Variants in PRRC2A observed in about 807,000 individuals in gnomAD.
PRRC2A encodes protein PRRC2A.
Under a neutral mutation model 224.6 loss-of-function variants are expected in PRRC2A, and 59 were observed. That is an observed-to-expected ratio of 0.26 (90% CI 0.21 to 0.33). The LOEUF is 0.33. Ranked by LOEUF, PRRC2A falls within the 10% of genes least tolerant of loss-of-function variation. The probability of loss-of-function intolerance (pLI) is 1.00; values close to 1 mark genes in which losing one functional copy is unlikely to be tolerated. For missense variants in PRRC2A, 3,095 were observed against 2,880.7 expected, an observed-to-expected ratio of 1.07 and a Z score of -1.70; for synonymous variants, 1,194 against 1,109.5, an observed-to-expected ratio of 1.08 and a Z score of -1.51.
At chr6:31,633,259 CA>C in intron 16 of PRRC2A, 119 bp from the exon 17 acceptor site, 1 of 1,440,682 alleles carries the variant, frequency 6.9e-7, no homozygotes, top group Non-Finnish European at 9.4e-7. Context: ...TAGAAGGACT[CA>C]AAAACACCTG....
At chr6:31,629,950 T>G (rs1583205148) in intron 14 of PRRC2A, 105 bp downstream of exon 14, 2 of 1,523,204 alleles carry the variant, frequency 1.3e-6, no homozygotes, top group East Asian at 4.5e-5. Context: ...TTGCCCATCA[T>G]AGTGATGAGG....
Position 31,636,883 on chromosome 6 carries a change from C to G in PRRC2A, c.6085C>G (p.Pro2029Ala), listed in dbSNP as rs755403247. ...PSLAVRPPPA[P>A]ATRVLPSPAR... is the part of the protein sequence containing the mutation. ...CCTGGCTGTGCGGCCCCCACCTGCT[C>G]CTGCTACTCGGGTGCTGCCTTCACC... Residue 2029 changes from proline to alanine, a missense_variant, in exon 28 of 31, where the codon CCT becomes GCT. Pro to Ala is a conservative substitution (Grantham distance 27). Coordinates refer to ENST00000376033, the MANE Select transcript of PRRC2A (RefSeq NM_004638.4). The surrounding 1 kb of genome is among the most constrained non-coding windows in gnomAD (Gnocchi z 4.3). 5 of 1,612,918 alleles carry G rather than the reference C, an allele frequency of 3.1e-6. No homozygotes were observed. The highest frequency in any genetic ancestry group is 3.4e-6 in the Non-Finnish European group (4 of 1,180,028).
chr6:31,630,815 A>G lies in PRRC2A; in HGVS notation c.2465+14A>G. On this transcript the variant is annotated intron_variant, in intron 15 of 30. Transcript: ENST00000376033. ...CAAGGGGATGAGGTGAGTCTTGGTC[A>G]TGAGAAATGGGTGAGTTCACAGTGA... The G allele has an allele frequency of 6.2e-7, 1 of 1,613,070 alleles. No homozygotes were observed. The highest frequency in any genetic ancestry group is 1.1e-5 in the South Asian group (1 of 90,898).
At chr6:31,634,679 T>G (rs982299990) in intron 20 of PRRC2A, 74 bp from the exon 21 acceptor site, 1 of 1,565,160 alleles carries the variant, frequency 6.4e-7, no homozygotes, top group East Asian at 2.2e-5. Context: ...TTCTGCAGTT[T>G]GTATGTGTGC....
Position 31,632,670 on chromosome 6 carries a change from G to A in PRRC2A, c.3997G>A (p.Glu1333Lys). 1 of 1,613,108 alleles carries A rather than the reference G, an allele frequency of 6.2e-7. No individual in the cohort carries two copies. ...ATCAGAGAGCAGTGACTTCACCAGT[G>A]AGCGCCGAGGGGACAAAGAGGCACC... ...TASESSDFTS[E>K]RRGDKEAPPP... The change falls in exon 16 of 31, where the codon GAG (glutamate) becomes AAG (lysine). Residue 1333 changes from glutamate (E) to lysine (K), a missense_variant. Transcript: ENST00000376033.
intron 20 of PRRC2A, 25 bp downstream of exon 20, chr6:31,634,582 C>T: frequency 6.2e-7 from 1 of 1,606,178 alleles, no homozygotes. Flanking sequence ...GAGGGTGTGT[C>T]TGAGCTGGGA....
rs2150504789 is a variant in PRRC2A at position 31,627,109 on chromosome 6, A to T, written c.1201A>T (p.Thr401Ser). The change falls in exon 11 of 31, where the codon ACA (threonine) becomes TCA (serine). Residue 401 changes from threonine to serine, a missense_variant. Physicochemically the swap from Thr to Ser is moderately conservative, Grantham distance 58. Around this residue, in one of 8 missense-constraint regions of PRRC2A, gnomAD observed 2,001 missense variants for 1,764.9 expected, o/e 1.13. Transcript: ENST00000376033. The surrounding 1 kb of genome is among the most constrained non-coding windows in gnomAD (Gnocchi z 5.6). The stretch of plus-strand genomic sequence containing the variant: ...GGCAGAAACCTCTCGGCCTCCAGAG[A>T]CAGAGCCGGGACCTCCTGCCCCAAA... ...AWAETSRPPE[T>S]EPGPPAPKPP... is the part of the protein sequence containing the mutation. The T allele has an allele frequency of 6.2e-7, 1 of 1,614,020 alleles. No homozygotes were observed. The highest frequency in any genetic ancestry group is 8.5e-7 in the Non-Finnish European group (1 of 1,179,986).
chr6:31,632,969 C>G lies in PRRC2A; in HGVS notation c.4296C>G (p.Ser1432Arg). Residue 1432 changes from serine (S) to arginine (R), a missense_variant, in exon 16 of 31, where the codon AGC becomes AGG. By Grantham distance (110) the Ser-to-Arg change is moderately radical. Transcript: ENST00000376033. Reference protein sequence around the residue: ...RTGPGRGDKRSWPSPKNRSRP... With the variant: ...RTGPGRGDKRRWPSPKNRSRP... ...GGCCAGGACGAGGCGACAAGAGGAGCTGGCCCTCTCCCAAGAACCGAAGGT... is the reference window on the plus strand; with the variant it reads ...GGCCAGGACGAGGCGACAAGAGGAGGTGGCCCTCTCCCAAGAACCGAAGGT... 6.3e-7 allele frequency: 1 copy of G among 1,589,698 alleles called. No individual in the cohort carries two copies. The highest frequency in any genetic ancestry group is 8.6e-7 in the Non-Finnish European group (1 of 1,166,958).
chr6:31,636,150 T>G lies in PRRC2A; in HGVS notation c.5625-59T>G. 2 of 1,570,716 alleles carry G rather than the reference T, an allele frequency of 1.3e-6. No homozygotes were observed. Among genetic ancestry groups the G allele is most frequent in the Non-Finnish European group, 1.8e-6 (2 of 1,140,870 alleles). On this transcript the variant is annotated intron_variant, in intron 25 of 30. Transcript: ENST00000376033. The surrounding 1 kb of genome is among the most constrained non-coding windows in gnomAD (Gnocchi z 4.3). The stretch of plus-strand genomic sequence containing the variant: ...CTAGGGTACTAGAAGCTAGTGGACT[T>G]AAGGCATTGCTAGGACTCTGGCTTC...
chr6:31,626,196 T>C (rs1481489662), intron 9 of PRRC2A, 34 bp downstream of exon 9: 16 of 1,598,164 alleles, frequency 1.0e-5, no homozygotes, highest in Non-Finnish European at 1.4e-5. Context: ...AATTTGGATC[T>C]TGAAAGGCAA....
intron 2 of PRRC2A, 70 bp from the exon 3 acceptor site, chr6:31,623,662 T>C: frequency 6.6e-7 from 1 of 1,513,894 alleles, no homozygotes; most frequent in Non-Finnish European, 9.1e-7. Flanking sequence ...TATAAATGTG[T>C]CCCAGGATAG....
At chr6:31,624,645 G>A (rs1049720238) in intron 5 of PRRC2A, 123 bp downstream of exon 5, 8 of 1,087,098 alleles carry the variant, frequency 7.4e-6, no homozygotes, top group Admixed American at 6.0e-5. Flanking sequence ...CCCATATTCA[G>A]TTTCATGGAG....
intron 12 of PRRC2A, chr6:31,628,510 C>T (rs1351307711): frequency 5.3e-6 from 3 of 561,750 alleles, no homozygotes; most frequent in Admixed American, 3.5e-5. Context: ...TGGAGGATCG[C>T]TTGAGCCTAG....
intron 4 of PRRC2A, 36 bp downstream of exon 4, chr6:31,624,396 G>A: frequency 6.2e-7 from 1 of 1,608,208 alleles, no homozygotes; most frequent in Non-Finnish European, 8.5e-7. Context: ...GAGGAAGAAT[G>A]GTTCATAGCT....
At chr6:31,635,293 G>T (rs1195543766) in intron 22 of PRRC2A, 21 bp downstream of exon 22, 3 of 1,613,824 alleles carry the variant, frequency 1.9e-6, no homozygotes, top group East Asian at 4.5e-5. Context: ...GCTGGATCTG[G>T]GTATCCTGAG....
rs575401082 is a variant in PRRC2A, at chr6:31,626,021, C to T, written c.841C>T (p.Arg281Cys). The T allele has an allele frequency of 1.6e-5, 26 of 1,611,736 alleles. No homozygotes were observed. The Admixed American group carries it at 2.2e-4, about 14-fold the overall frequency. The change falls in exon 9 of 31, where the codon CGT becomes TGT. Residue 281 changes from arginine to cysteine, a missense_variant and splice_region_variant. Arg to Cys is a radical substitution (Grantham distance 180). Transcript: ENST00000376033. ...YRYPTPDGPSRFPRVAGPRGS... is the reference protein window; with the variant it reads ...YRYPTPDGPSCFPRVAGPRGS... The stretch of plus-strand genomic sequence containing the variant: ...TTTCATTTTCTTTTTTGTGTACAGC[C>T]GTTTTCCCCGTGTGGCGGGCCCCCG...
chr6:31,633,042 G>A, intron 16 of PRRC2A, 50 bp downstream of exon 16: 18 of 1,453,950 alleles, frequency 1.2e-5, no homozygotes, highest in Non-Finnish European at 1.6e-5. Context: ...GGAGGAGGGG[G>A]AAAAAGCCTG....
At position 31,635,466 on chromosome 6, in the gene PRRC2A, G is replaced by GT. The variant is rs767396935; in HGVS notation, c.5373+2dup. 3 of 1,613,880 alleles carry GT rather than the reference G, an allele frequency of 1.9e-6. No individual in the cohort carries two copies. ...GGAGCTAACAGCATCAGTCACTGAGGTAAGTGGGAGTAAGAGTTTGGTGGA... is the reference window on the plus strand; with the variant it reads ...GGAGCTAACAGCATCAGTCACTGAGGTTAAGTGGGAGTAAGAGTTTGGTGGA... On this transcript the variant is annotated splice_donor_variant, in intron 23 of 30. Transcript: ENST00000376033. LOFTEE classifies it high-confidence loss of function.
In PRRC2A at chr6:31,631,978, G is replaced by C. The variant is rs750488741; in HGVS notation, c.3305G>C (p.Arg1102Pro). 6.2e-7 allele frequency: 1 copy of C among 1,612,602 alleles called. No homozygotes were observed. Among genetic ancestry groups the C allele is most frequent in the South Asian group, 1.1e-5 (1 of 91,038 alleles). ...TATGAGGAAATCCCCAAGCGGCGCC[G>C]GCAGCGGGGCTCAGAAACAGGCAGC... ...SEYEEIPKRR[R>P]QRGSETGSET... is the part of the protein sequence containing the mutation. The change falls in exon 16 of 31, where the codon CGG (arginine) becomes CCG (proline). Residue 1102 changes from arginine to proline, a missense_variant. Arg to Pro is a moderately radical substitution (Grantham distance 103). Coordinates refer to ENST00000376033, the MANE Select transcript of PRRC2A (RefSeq NM_004638.4). This position sits in a 1 kb window ranked among gnomAD's most constrained non-coding sequence, Gnocchi z 4.5.
Sources: gnomAD v4.1 joint callset for allele counts on GRCh38, gnomAD v4.1.1 for gene constraint, gnomAD v4.1.1 regional missense constraint, Gnocchi (gnomAD v3.1) non-coding constraint, MANE v1.5 for transcripts, NCBI Gene and HGNC (gene_info 2026-07-23, HGNC 2026-07-21) for gene names.